BLTP1: variants seen among roughly 807,000 people sequenced by gnomAD.
BLTP1 encodes the protein bridge-like lipid transfer protein family member 1.
the BLTP1 span, chr4:122,290,831 A>T: frequency 6.9e-6 from 1 of 145,296 alleles, no homozygotes; most frequent in East Asian, 2.0e-4. Flanking sequence ...ACACACACAC[A>T]CACACACACA....
At chr4:122,174,479 G>T in the BLTP1 span, 1 of 1,527,570 alleles carries the variant, frequency 6.5e-7, no homozygotes, top group Non-Finnish European at 8.8e-7. Context: ...GATGCTTATT[G>T]AATAAATTTA....
chr4:122,345,696 G>C, the BLTP1 span, among the ~76,000 whole-genome samples: 1 of 151,950 alleles, frequency 6.6e-6, no homozygotes, highest in Non-Finnish European at 1.5e-5. Flanking sequence ...GCTTCAGAAT[G>C]GTGTTTTAGA....
the BLTP1 span, chr4:122,172,431 TA>T: frequency 9.1e-6 from 4 of 440,662 alleles, no homozygotes; most frequent in East Asian, 1.6e-4. Context: ...ATACTTTCAT[TA>T]AAAAAATAAA....
At chr4:122,157,476 G>C in the BLTP1 span, among the ~76,000 whole-genome samples, 1 of 152,180 alleles carries the variant, frequency 6.6e-6, no homozygotes, top group Non-Finnish European at 1.5e-5. Context: ...TCAGGCATTA[G>C]ATTCTCTTAA....
chr4:122,257,785 A>G, the BLTP1 span, among the ~76,000 whole-genome samples: 1 of 152,186 alleles, frequency 6.6e-6, no homozygotes, highest in Non-Finnish European at 1.5e-5. Flanking sequence ...GTATACACGT[A>G]TGATTTTTAT....
chr4:122,346,602 C>T, the BLTP1 span: 1 of 1,608,030 alleles, frequency 6.2e-7, no homozygotes, highest in African/African-American at 1.3e-5. Context: ...TCTGTACTAA[C>T]AAATGTTATT....
At chr4:122,225,167 C>T in the BLTP1 span, 1 of 312,042 alleles carries the variant, frequency 3.2e-6, no homozygotes, top group South Asian at 1.2e-4. Flanking sequence ...AAGATTACAT[C>T]ATTTGTACCT....
the BLTP1 span, chr4:122,250,495 T>C: frequency 5.0e-6 from 8 of 1,613,774 alleles, no homozygotes; most frequent in Non-Finnish European, 6.8e-6. Flanking sequence ...ATAATACTGA[T>C]GTCTCTGATG....
At chr4:122,154,163 T>C in the BLTP1 span, 2 of 196,370 alleles carry the variant, frequency 1.0e-5, no homozygotes, top group African/African-American at 7.6e-5. Context: ...GGTTAAAGAC[T>C]TTTTTTTTTT....
chr4:122,195,755 C>A, the BLTP1 span: 143 of 469,808 alleles, frequency 3.0e-4, 1 homozygote, highest in Admixed American at 3.0e-3. Flanking sequence ...ATTTGCAGAA[C>A]TTTATTTTCC....
chr4:122,345,729 AAGAC>A, the BLTP1 span, among the ~76,000 whole-genome samples: 2 of 152,170 alleles, frequency 1.3e-5, no homozygotes, highest in South Asian at 2.1e-4. Context: ...GGTAGCCTGA[AAGAC>A]AGGAAAGAAA....
At chr4:122,361,766 A>C in the BLTP1 span, among the ~76,000 whole-genome samples, 3 of 152,230 alleles carry the variant, frequency 2.0e-5, no homozygotes, top group Admixed American at 6.5e-5. Flanking sequence ...ACTGTATAAC[A>C]GGCCTAAAAT....
the BLTP1 span, chr4:122,211,070 T>C: frequency 1.2e-6 from 2 of 1,612,582 alleles, no homozygotes; most frequent in East Asian, 4.5e-5. Context: ...TATGGACCTC[T>C]ACTAAATGCC....
chr4:122,346,667 C>T, the BLTP1 span: 12 of 1,613,224 alleles, frequency 7.4e-6, no homozygotes, highest in Non-Finnish European at 1.0e-5. Flanking sequence ...TGATATGCGC[C>T]GACTCAGTGA....
the BLTP1 span, among the ~76,000 whole-genome samples, chr4:122,233,656 T>G: frequency 2.0e-5 from 3 of 152,216 alleles, no homozygotes; most frequent in Admixed American, 2.0e-4. Flanking sequence ...TGCTCATACA[T>G]TTTTCCTTCT....
At chr4:122,220,981 A>C in the BLTP1 span, 1 of 502,794 alleles carries the variant, frequency 2.0e-6, no homozygotes. Flanking sequence ...TTGAAAATGT[A>C]TTACATTTCT....
chr4:122,269,114 AT>A, the BLTP1 span: 1 of 949,386 alleles, frequency 1.1e-6, no homozygotes, highest in Non-Finnish European at 1.3e-6. Flanking sequence ...TCTGAGCTAA[AT>A]TTATATTTAA....
the BLTP1 span, chr4:122,333,840 T>G: frequency 5.1e-6 from 8 of 1,581,544 alleles, no homozygotes; most frequent in East Asian, 1.8e-4. Context: ...GGTAAGGGAT[T>G]AGACTATTGG....
At chr4:122,249,843 A>G in the BLTP1 span, 2 of 972,184 alleles carry the variant, frequency 2.1e-6, no homozygotes, top group African/African-American at 1.8e-5. Context: ...CCTCATACCA[A>G]TTGCTTAAGT....
Sources: allele counts gnomAD v4.1 joint callset (sites outside exome capture counted in the v4.1 genomes callset), GRCh38; gene constraint gnomAD v4.1.1; transcripts MANE v1.5; gene names NCBI Gene and HGNC (gene_info 2026-07-23, HGNC 2026-07-21).